FBXO33: variants seen among roughly 807,000 people sequenced by gnomAD.
FBXO33 encodes F-box only protein 33.
In FBXO33, 22 loss-of-function variants were observed where a neutral mutation model predicts 46.3. The ratio of observed to expected loss-of-function variants is 0.48; its 90% CI spans 0.34 to 0.68. FBXO33 has a LOEUF of 0.68. Among genes scored for constraint, FBXO33 ranks in the 30% least tolerant of loss-of-function variants. The pLI is 0.01. For missense variants in FBXO33, 692 were observed against 708.8 expected (o/e 0.98, Z 0.27); for synonymous variants, 337 against 291.3 (o/e 1.16, Z -1.60).
At chr14:39,417,148 C>T (rs540486979) in intron 1 of FBXO33, among the ~76,000 whole-genome samples, 2 of 152,316 alleles carry the variant, frequency 1.3e-5, no homozygotes, top group East Asian at 1.9e-4. Context: ...GGGAAAGGTT[C>T]CAAGCCTTTT....
chr14:39,409,985 C>T (rs1402570407), intron 1 of FBXO33, among the ~76,000 whole-genome samples: 1 of 151,936 alleles, frequency 6.6e-6, no homozygotes, highest in East Asian at 1.9e-4. Flanking sequence ...CATCTGCAGA[C>T]AATTTTAGTT....
intron 1 of FBXO33, among the ~76,000 whole-genome samples, chr14:39,407,317 T>A (rs552736322): frequency 1.3e-5 from 2 of 152,358 alleles, no homozygotes; most frequent in South Asian, 4.1e-4. Flanking sequence ...GTTTCAATAC[T>A]GTTAACATGT....
intron 1 of FBXO33, among the ~76,000 whole-genome samples, chr14:39,428,619 T>C (rs192778607): frequency 6.2e-4 from 95 of 152,282 alleles, no homozygotes; most frequent in African/African-American, 2.1e-3. Context: ...ATGAAGACAA[T>C]GTGCCTATGG....
intron 1 of FBXO33, among the ~76,000 whole-genome samples, chr14:39,414,177 G>A (rs1392120130): frequency 6.6e-6 from 1 of 152,158 alleles, no homozygotes; most frequent in Non-Finnish European, 1.5e-5. Flanking sequence ...CAGCTTCCAC[G>A]ACAGCACCTG....
chr14:39,432,005 C>A lies in FBXO33; in HGVS notation c.158G>T (p.Ser53Ile), dbSNP rs1028530240. The A allele has an allele frequency of 1.4e-6, 2 of 1,421,020 alleles. No homozygotes were observed. Among genetic ancestry groups the A allele is most frequent in the Non-Finnish European group, 1.8e-6 (2 of 1,099,820 alleles). 88.0% of individuals were successfully genotyped at this position (1,421,020 alleles called of 1,614,324 possible). The change falls in exon 1 of 4, where the codon AGC becomes ATC. Residue 53 changes from serine (S) to isoleucine (I), a missense_variant. Coordinates refer to ENST00000298097, the MANE Select transcript of FBXO33 (RefSeq NM_203301.4). Reference protein sequence around the residue: ...RVLRGRPGAGSRRRGRMALCG... With the variant: ...RVLRGRPGAGIRRRGRMALCG... The stretch of plus-strand genomic sequence containing the variant: ...CAGAGCCATCCGGCCCCGCCGCCGG[C>A]TGCCGGCTCCCGGCCGCCCCCGCAG...
intron 1 of FBXO33, among the ~76,000 whole-genome samples, chr14:39,422,115 A>G (rs975795517): frequency 6.6e-6 from 1 of 152,124 alleles, no homozygotes; most frequent in Non-Finnish European, 1.5e-5. Flanking sequence ...AAAATTAGTC[A>G]GGCCTGGTGG....
rs2075551115 is a variant in FBXO33 at position 39,431,560 on chromosome 14, C to T, written c.599+4G>A. The T allele has an allele frequency of 1.2e-6, 2 of 1,611,222 alleles. No homozygotes were observed. The highest frequency in any genetic ancestry group is 1.7e-5 in the Admixed American group (1 of 59,998). ...GGGCGGGGCGGGGCTCAGGGCAAGCCTACCTGTTGTTCCGGATGCTGACCA... is the reference window on the plus strand; with the variant it reads ...GGGCGGGGCGGGGCTCAGGGCAAGCTTACCTGTTGTTCCGGATGCTGACCA... On this transcript the variant is annotated splice_donor_region_variant and intron_variant, in intron 1 of 3. Coordinates refer to ENST00000298097, the MANE Select transcript of FBXO33 (RefSeq NM_203301.4).
rs1275664520 is a variant in FBXO33, at chr14:39,432,119, G to A, written c.44C>T (p.Ala15Val). The change falls in exon 1 of 4, where the codon GCT (alanine) becomes GTT (valine). Residue 15 changes from alanine to valine, a missense_variant. Transcript: ENST00000298097. Reference protein sequence around the residue: ...LSVPQPRPPGARTRAGAARVA... With the variant: ...LSVPQPRPPGVRTRAGAARVA... The stretch of plus-strand genomic sequence containing the variant: ...CCGGGCGGCCCCGGCTCGGGTTCGA[G>A]CTCCCGGCGGTCGGGGCTGCGGCAC... 11 of 1,244,172 alleles carry A rather than the reference G, an allele frequency of 8.8e-6. No individual in the cohort carries two copies. Among genetic ancestry groups the A allele is most frequent in the African/African-American group, 1.6e-5 (1 of 64,282 alleles). The allele number at this position is 1,244,172 out of a possible 1,614,324, so 77.1% of individuals were successfully genotyped here.
At chr14:39,406,853 T>C (rs1439283206) in intron 1 of FBXO33, among the ~76,000 whole-genome samples, 1 of 152,112 alleles carries the variant, frequency 6.6e-6, no homozygotes, top group Non-Finnish European at 1.5e-5. Context: ...AACAGAAATA[T>C]ACTCAGAAAT....
At chr14:39,428,916 G>GT (rs1204609813) in intron 1 of FBXO33, among the ~76,000 whole-genome samples, 1 of 152,150 alleles carries the variant, frequency 6.6e-6, no homozygotes, top group Non-Finnish European at 1.5e-5. Flanking sequence ...AAGAAGACAG[G>GT]TATCCTAGTG....
intron 1 of FBXO33, among the ~76,000 whole-genome samples, chr14:39,420,556 G>A (rs958145193): frequency 6.6e-6 from 1 of 152,028 alleles, no homozygotes; most frequent in East Asian, 1.9e-4. Context: ...GCGTGGTGGT[G>A]GGCACCTGTA....
chr14:39,400,614 T>C lies in FBXO33; in HGVS notation c.1396+562A>G, dbSNP rs185355725. On this transcript the variant is annotated intron_variant, in intron 3 of 3. Transcript: ENST00000298097. ...ATAGCTAATAAGAGAGTTTAAGACA[T>C]TCTTATAGACTACTTTGTAATTATC... Among the ~76,000 whole-genome samples, 24 of 152,294 alleles carry C rather than the reference T, an allele frequency of 1.6e-4. No homozygotes were observed. The East Asian group carries it at 4.2e-3, about 27-fold the overall frequency.
At position 39,431,932 on chromosome 14, in the gene FBXO33, C is replaced by G. The variant is rs1002242205; in HGVS notation, c.231G>C (p.Val77=). 2.0e-6 allele frequency: 3 copies of G among 1,534,770 alleles called. No homozygotes were observed. Among genetic ancestry groups the G allele is most frequent in the African/African-American group, 2.7e-5 (2 of 73,042 alleles). Residue 77 remains valine (V), a synonymous_variant, in exon 1 of 4, where the codon GTG becomes GTC. Transcript: ENST00000298097. ...GAASLPSELI[V]HIFSFLPAPD... Reference sequence around the variant, plus strand: ...GCGCCGGCAGAAAAGAGAAGATGTGCACGATCAGCTCGCTGGGCAGCGACG... The same window carrying G: ...GCGCCGGCAGAAAAGAGAAGATGTGGACGATCAGCTCGCTGGGCAGCGACG...
Position 39,432,037 on chromosome 14 carries a change from G to GAGCAGCCCCCGC in FBXO33, c.114_125dup (p.Gly40_Arg43dup). On this transcript the variant is annotated inframe_insertion, in exon 1 of 4. Transcript: ENST00000298097. ...CTCCCGGCCGCCCCCGCAGTACCCG[G>GAGCAGCCCCCGC]AGCAGCCCCCGCAGCCGTCGCAGCT... The GAGCAGCCCCCGC allele has an allele frequency of 7.5e-7, 1 of 1,331,178 alleles. No homozygotes were observed. The highest frequency in any genetic ancestry group is 9.6e-7 in the Non-Finnish European group (1 of 1,046,360). The allele number at this position is 1,331,178 out of a possible 1,614,324, so 82.5% of individuals were successfully genotyped here.
Position 39,432,126 on chromosome 14 carries a change from G to A in FBXO33, c.37C>T (p.Pro13Ser), listed in dbSNP as rs2075563617. The change falls in exon 1 of 4, where the codon CCG (proline) becomes TCG (serine). Residue 13 changes from proline to serine, a missense_variant. By Grantham distance (74) the Pro-to-Ser change is moderately conservative. Transcript: ENST00000298097. ...GCCCCGGCTCGGGTTCGAGCTCCCGGCGGTCGGGGCTGCGGCACTGACAAG... is the reference window on the plus strand; with the variant it reads ...GCCCCGGCTCGGGTTCGAGCTCCCGACGGTCGGGGCTGCGGCACTGACAAG... ...LFLSVPQPRPPGARTRAGAAR... is the reference protein window; with the variant it reads ...LFLSVPQPRPSGARTRAGAAR... 8.1e-7 allele frequency: 1 copy of A among 1,242,032 alleles called. No homozygotes were observed. The highest frequency in any genetic ancestry group is 3.8e-5 in the South Asian group (1 of 26,026). 76.9% of individuals were successfully genotyped at this position (1,242,032 alleles called of 1,614,324 possible).
chr14:39,415,997 G>A (rs1282040099), intron 1 of FBXO33, among the ~76,000 whole-genome samples: 2 of 152,106 alleles, frequency 1.3e-5, no homozygotes, highest in Non-Finnish European at 2.9e-5. Context: ...ATTTATATCA[G>A]AGTTACAGTG....
chr14:39,432,278 C>CT lies in FBXO33; in HGVS notation c.-117dup. 1 of 887,628 alleles carries CT rather than the reference C, an allele frequency of 1.1e-6. No homozygotes were observed. The highest frequency in any genetic ancestry group is 1.4e-6 in the Non-Finnish European group (1 of 692,502). 55.0% of individuals were successfully genotyped at this position (887,628 alleles called of 1,614,324 possible). On this transcript the variant is annotated 5_prime_UTR_variant, in exon 1 of 4. Transcript: ENST00000298097. The stretch of plus-strand genomic sequence containing the variant: ...GGCGTGGCCTGCCGGGAGCCAGCCT[C>CT]TGTCTTCTCAAACTCTACTCACGTG...
chr14:39,422,564 C>A (rs1306967191), intron 1 of FBXO33, among the ~76,000 whole-genome samples: 1 of 152,236 alleles, frequency 6.6e-6, no homozygotes, highest in Admixed American at 6.5e-5. Context: ...TTCCTTATCA[C>A]CTTCCTCCTT....
In FBXO33 at chr14:39,431,905, G is replaced by C; in HGVS notation, c.258C>G (p.Pro86=). The C allele has an allele frequency of 1.3e-6, 2 of 1,547,546 alleles. No individual in the cohort carries two copies. Among genetic ancestry groups the C allele is most frequent in the East Asian group, 2.4e-5 (1 of 41,980 alleles). The change falls in exon 1 of 4, where the codon CCC becomes CCG. Residue 86 remains proline (P), a synonymous_variant. Transcript: ENST00000298097. ...IVHIFSFLPA[P]DRLRASASCS... is the part of the protein sequence containing the mutation. ...AGGAGGCCGAGGCCCGCAGCCGGTC[G>C]GGCGCCGGCAGAAAAGAGAAGATGT...
Sources: gnomAD v4.1 joint callset for allele counts (sites outside exome capture counted in the v4.1 genomes callset) on GRCh38, gnomAD v4.1.1 for gene constraint, MANE v1.5 for transcripts, NCBI Gene and HGNC (gene_info 2026-07-23, HGNC 2026-07-21) for gene names.